PRKN: variants seen among roughly 807,000 people sequenced by gnomAD.
PRKN encodes the protein parkin RBR E3 ubiquitin protein ligase.
In PRKN, 56 loss-of-function variants were observed where a neutral mutation model predicts 59.5. The ratio of observed to expected loss-of-function variants is 0.94; its 90% CI spans 0.76 to 1.18. The LOEUF is 1.18. Ranked by LOEUF, PRKN falls within the 50% of genes most tolerant of loss-of-function variation. The pLI is 0.00. For missense variants in PRKN, 657 were observed against 596.4 expected (o/e 1.10, Z -1.06); for synonymous variants, 250 against 222.1 (o/e 1.13, Z -1.12).
At chr6:162,100,620 T>G (rs1372667797) in intron 4 of PRKN, among the ~76,000 whole-genome samples, 1 of 152,076 alleles carries the variant, frequency 6.6e-6, no homozygotes, top group Non-Finnish European at 1.5e-5. Context: ...TTTTGTATTT[T>G]TAGTACAGAG....
intron 5 of PRKN, among the ~76,000 whole-genome samples, chr6:162,018,031 T>C (rs956389120): frequency 2.0e-5 from 3 of 152,084 alleles, no homozygotes; most frequent in African/African-American, 7.2e-5. Context: ...TTTATTTTTA[T>C]TTTTATTTTT....
chr6:162,580,262 C>T (rs1780737034), intron 1 of PRKN, among the ~76,000 whole-genome samples: 2 of 151,944 alleles, frequency 1.3e-5, no homozygotes. Context: ...CATTGCGGAA[C>T]CCTATCTCTA....
At chr6:162,364,249 C>A (rs1049785019) in intron 2 of PRKN, among the ~76,000 whole-genome samples, 1 of 152,194 alleles carries the variant, frequency 6.6e-6, no homozygotes, top group Non-Finnish European at 1.5e-5. Flanking sequence ...GAATATTTCA[C>A]CAATGCATTG....
At chr6:162,166,273 T>A (rs1464120614) in intron 4 of PRKN, among the ~76,000 whole-genome samples, 2 of 152,046 alleles carry the variant, frequency 1.3e-5, no homozygotes, top group Non-Finnish European at 2.9e-5. Flanking sequence ...TTTTGCTGAA[T>A]GGAAGAAGCC....
intron 1 of PRKN, among the ~76,000 whole-genome samples, chr6:162,596,505 A>G (rs1781498563): frequency 6.6e-6 from 1 of 152,206 alleles, no homozygotes; most frequent in Non-Finnish European, 1.5e-5. Flanking sequence ...AGATGCTCAA[A>G]AGGTGAAAGG....
chr6:161,878,829 G>A (rs1272769584), intron 6 of PRKN, among the ~76,000 whole-genome samples: 2 of 152,086 alleles, frequency 1.3e-5, no homozygotes, highest in African/African-American at 4.8e-5. Flanking sequence ...GCACCTCTTT[G>A]GTGAAGATAT....
In PRKN at chr6:161,529,654, T is replaced by C. The variant is rs778401570; in HGVS notation, c.1083+19200A>G. Among the ~76,000 whole-genome samples the C allele has an allele frequency of 2.0e-4, 31 of 152,206 alleles. No individual in the cohort carries two copies. The highest frequency in any genetic ancestry group is 3.1e-4 in the Non-Finnish European group (21 of 68,044). On this transcript the variant is annotated intron_variant, in intron 9 of 11. Transcript: ENST00000366898. The surrounding 1 kb of genome is among the most constrained non-coding windows in gnomAD (Gnocchi z 4.4). ...CGGCAACTCAGTTTAAGTGAGGCTG[T>C]TTTGGAAGAAGCTGTCCTACATATA...
intron 9 of PRKN, among the ~76,000 whole-genome samples, chr6:161,472,326 C>T (rs1468808545): frequency 6.6e-6 from 1 of 152,104 alleles, no homozygotes; most frequent in Non-Finnish European, 1.5e-5. Flanking sequence ...ATCCATGACA[C>T]CTACTATCCC....
At chr6:162,336,780 T>C (rs766893009) in intron 2 of PRKN, among the ~76,000 whole-genome samples, 2 of 152,190 alleles carry the variant, frequency 1.3e-5, no homozygotes, top group Non-Finnish European at 2.9e-5. Flanking sequence ...ATCTCAGGGA[T>C]ACTAAATTCC....
intron 7 of PRKN, among the ~76,000 whole-genome samples, chr6:161,611,289 C>T (rs951452941): frequency 6.6e-6 from 1 of 152,184 alleles, no homozygotes; most frequent in South Asian, 2.1e-4. Context: ...ACTTACTTCT[C>T]TCTTACAGCA....
At chr6:161,439,821 T>C (rs1440099532) in intron 9 of PRKN, among the ~76,000 whole-genome samples, 2 of 152,180 alleles carry the variant, frequency 1.3e-5, no homozygotes, top group African/African-American at 4.8e-5. Flanking sequence ...TCATTGAGTT[T>C]AATTATGCAA....
At chr6:161,903,527 ATTG>A (rs1159412454) in intron 6 of PRKN, among the ~76,000 whole-genome samples, 1 of 152,110 alleles carries the variant, frequency 6.6e-6, no homozygotes, top group African/African-American at 2.4e-5. Context: ...TGGGAGGAAA[ATTG>A]TTGTTTTTAG....
intron 6 of PRKN, among the ~76,000 whole-genome samples, chr6:161,827,356 G>A (rs1792288071): frequency 6.6e-6 from 1 of 152,170 alleles, no homozygotes; most frequent in Admixed American, 6.5e-5. Flanking sequence ...GCTATTGAAA[G>A]ATGGGTTTTT....
chr6:161,450,926 T>C (rs1789714972), intron 9 of PRKN, among the ~76,000 whole-genome samples: 1 of 152,186 alleles, frequency 6.6e-6, no homozygotes, highest in African/African-American at 2.4e-5. Flanking sequence ...AAACACTGAA[T>C]TGTGTTACTT....
intron 1 of PRKN, among the ~76,000 whole-genome samples, chr6:162,459,137 T>C (rs1791044349): frequency 6.6e-6 from 1 of 152,132 alleles, no homozygotes; most frequent in Non-Finnish European, 1.5e-5. Context: ...AACGTTTTTA[T>C]TGTGAGCCAA....
intron 2 of PRKN, among the ~76,000 whole-genome samples, chr6:162,339,150 G>A (rs1411163950): frequency 6.7e-6 from 1 of 148,544 alleles, no homozygotes; most frequent in African/African-American, 2.5e-5. Flanking sequence ...CGCCCCGTCT[G>A]AGAAGTGAGG....
intron 5 of PRKN, among the ~76,000 whole-genome samples, chr6:162,022,358 T>C (rs1300651110): frequency 1.3e-5 from 2 of 152,212 alleles, no homozygotes; most frequent in African/African-American, 4.8e-5. Context: ...ATGTTATTTT[T>C]TGACAATAGC....
rs544293869 is a variant in PRKN, at chr6:161,349,991, T to TGC, written c.*106_*107dup. ...TTGAAAAAAACTTGAAGAGTGTGTG[T>TGC]GCGCGCGCGCGCGTGTGTGTGTGTG... On this transcript the variant is annotated 3_prime_UTR_variant, in exon 12 of 12. Transcript: ENST00000366898. This position sits in a 1 kb window ranked among gnomAD's most constrained non-coding sequence, Gnocchi z 5.5. The TGC allele has an allele frequency of 7.3e-3, 5,629 of 775,402 alleles. 44 individuals carry two copies. Among genetic ancestry groups the TGC allele is most frequent in the African/African-American group, 0.03 (1,767 of 58,654 alleles). 48.0% of individuals were successfully genotyped at this position (775,402 alleles called of 1,614,324 possible). A position where few individuals can be genotyped will look rare whatever the true frequency, so the allele number is the denominator to read the frequency against.
chr6:162,677,913 A>C (rs1371087582), intron 1 of PRKN, among the ~76,000 whole-genome samples: 1 of 152,206 alleles, frequency 6.6e-6, no homozygotes, highest in Non-Finnish European at 1.5e-5. Context: ...CGAGATAATG[A>C]GTACATCACC....
Sources: allele counts gnomAD v4.1 joint callset (sites outside exome capture counted in the v4.1 genomes callset), GRCh38; gene constraint gnomAD v4.1.1; non-coding constraint Gnocchi (gnomAD v3.1); transcripts MANE v1.5; gene names NCBI Gene and HGNC (gene_info 2026-07-23, HGNC 2026-07-21).